Variants in DPP10 observed in about 807,000 individuals in gnomAD.
DPP10 encodes the protein inactive dipeptidyl peptidase 10.
DPP10 carries 33 observed loss-of-function variants against 120.9 expected under a neutral mutation model. The ratio of observed to expected loss-of-function variants is 0.27; its 90% CI spans 0.21 to 0.37. The LOEUF is 0.37. Among genes scored for constraint, DPP10 ranks in the 10% least tolerant of loss-of-function variants. The pLI, the probability that DPP10 is intolerant of heterozygous loss-of-function variation, is 1.00. For missense variants in DPP10, 816 were observed against 942.8 expected (o/e 0.87, Z 1.76); for synonymous variants, 337 against 326.1 (o/e 1.03, Z -0.36).
chr2:115,646,332 G>A (rs2149363403), intron 5 of DPP10, among the ~76,000 whole-genome samples: 1 of 152,212 alleles, frequency 6.6e-6, no homozygotes, highest in Non-Finnish European at 1.5e-5. Flanking sequence ...GATCATTACA[G>A]TGGGGCTATT....
intron 24 of DPP10, 48 bp downstream of exon 24, chr2:115,836,794 C>CA (rs753440729): frequency 6.5e-7 from 1 of 1,548,424 alleles, no homozygotes. Context: ...TGACCTTTTA[C>CA]AAAGGGATAC....
chr2:115,235,355 C>T (rs1349230968), intron 1 of DPP10, among the ~76,000 whole-genome samples: 1 of 152,100 alleles, frequency 6.6e-6, no homozygotes, highest in Non-Finnish European at 1.5e-5. Context: ...ATCTGAGTTA[C>T]TGAGTACAGA....
At chr2:114,997,281 A>AGAT (rs1042053497) in intron 1 of DPP10, among the ~76,000 whole-genome samples, 5 of 151,532 alleles carry the variant, frequency 3.3e-5, no homozygotes, top group African/African-American at 1.2e-4. Flanking sequence ...CGAGGTCAAA[A>AGAT]GATAGAGACC....
chr2:114,864,195 C>T (rs1472319672), intron 1 of DPP10, among the ~76,000 whole-genome samples: 11 of 152,170 alleles, frequency 7.2e-5, no homozygotes, highest in Admixed American at 3.9e-4. Flanking sequence ...CCATGGAAAC[C>T]GGTAAAATCT....
intron 1 of DPP10, among the ~76,000 whole-genome samples, chr2:114,713,070 T>A (rs994424420): frequency 6.7e-6 from 1 of 148,900 alleles, no homozygotes; most frequent in African/African-American, 2.5e-5. Context: ...CACTGCAACC[T>A]CTGCCTCCTG....
chr2:115,401,370 A>T (rs2068060696), intron 3 of DPP10, among the ~76,000 whole-genome samples: 1 of 152,164 alleles, frequency 6.6e-6, no homozygotes, highest in African/African-American at 2.4e-5. Context: ...ATTTGAGGCC[A>T]GGAGTTTGAG....
chr2:114,676,480 C>T (rs1267044977), intron 1 of DPP10, among the ~76,000 whole-genome samples: 6 of 152,162 alleles, frequency 3.9e-5, no homozygotes, highest in East Asian at 3.9e-4. Context: ...ATTGGCACAT[C>T]GGTGTGTGAT....
chr2:115,527,103 T>C (rs1429675186), intron 5 of DPP10, among the ~76,000 whole-genome samples: 2 of 152,136 alleles, frequency 1.3e-5, no homozygotes, highest in Admixed American at 1.3e-4. Flanking sequence ...TATATTAAAC[T>C]GATCATGAAC....
chr2:115,689,503 TATTAGAAAGAAAA>T (rs1247413364), intron 5 of DPP10, among the ~76,000 whole-genome samples, 171 bp from the exon 6 acceptor site: 3 of 152,252 alleles, frequency 2.0e-5, no homozygotes, highest in Admixed American at 1.3e-4. Flanking sequence ...ATGGAATTGA[TATTAGAAAGAAAA>T]ATTAGGCATA....
chr2:115,395,556 A>C (rs1055788957), intron 3 of DPP10, among the ~76,000 whole-genome samples: 1 of 152,226 alleles, frequency 6.6e-6, no homozygotes, highest in Middle Eastern at 3.4e-3. Context: ...GTTTTACTTG[A>C]CTGATTAATG....
At chr2:115,165,736 C>A (rs538635820) in intron 1 of DPP10, among the ~76,000 whole-genome samples, 1 of 152,228 alleles carries the variant, frequency 6.6e-6, no homozygotes, top group African/African-American at 2.4e-5. Context: ...TCTGCTGACT[C>A]CAGTGGGTAA....
intron 1 of DPP10, among the ~76,000 whole-genome samples, chr2:115,016,481 A>G (rs1702646104): frequency 1.3e-5 from 2 of 152,316 alleles, no homozygotes; most frequent in African/African-American, 4.8e-5. Context: ...AAGCAATGAC[A>G]ACAAAAGCCA....
chr2:114,475,759 A>G (rs1322129242), intron 1 of DPP10, among the ~76,000 whole-genome samples: 2 of 152,254 alleles, frequency 1.3e-5, no homozygotes, highest in Admixed American at 6.5e-5. Flanking sequence ...TTTTAAGACA[A>G]CTTTTCCTCT....
chr2:115,641,843 C>T (rs75138635), intron 5 of DPP10, among the ~76,000 whole-genome samples: 2 of 152,094 alleles, frequency 1.3e-5, no homozygotes, highest in Admixed American at 1.3e-4. Context: ...TTTCTTATGT[C>T]ATTTCATATA....
chr2:115,773,371 A>G (rs1165434956), intron 13 of DPP10, among the ~76,000 whole-genome samples: 1 of 152,164 alleles, frequency 6.6e-6, no homozygotes, highest in African/African-American at 2.4e-5. Context: ...CTTGAGCAAG[A>G]TAAAATCTCT....
intron 5 of DPP10, among the ~76,000 whole-genome samples, chr2:115,573,610 C>CA (rs2081478981): frequency 3.6e-5 from 3 of 83,334 alleles, no homozygotes; most frequent in Non-Finnish European, 2.2e-5. Flanking sequence ...TTTTTTGAGA[C>CA]AGAGTCTCAC....
intron 1 of DPP10, among the ~76,000 whole-genome samples, chr2:114,570,839 A>T (rs1689583396): frequency 2.4e-5 from 3 of 126,892 alleles, no homozygotes; most frequent in African/African-American, 8.6e-5. Flanking sequence ...TCTCAAATAA[A>T]AAAAAAAAAA....
intron 17 of DPP10, among the ~76,000 whole-genome samples, chr2:115,790,002 G>A (rs562891604): frequency 2.0e-5 from 3 of 151,688 alleles, no homozygotes; most frequent in South Asian, 4.2e-4. Context: ...TGTACACATG[G>A]ATATATGTGT....
chr2:115,676,249 G>A (rs1373822305), intron 5 of DPP10, among the ~76,000 whole-genome samples: 2 of 152,086 alleles, frequency 1.3e-5, no homozygotes, highest in African/African-American at 4.8e-5. Flanking sequence ...TGGCCACAAA[G>A]GCACTTAGAG....
Sources: allele counts gnomAD v4.1 joint callset (sites outside exome capture counted in the v4.1 genomes callset), GRCh38; gene constraint gnomAD v4.1.1; transcripts MANE v1.5; gene names NCBI Gene and HGNC (gene_info 2026-07-23, HGNC 2026-07-21).